Variants in TYR observed in about 807,000 individuals in gnomAD.
TYR encodes tyrosinase.
In TYR, 58 loss-of-function variants were observed where a neutral mutation model predicts 51.5. That is an observed-to-expected ratio of 1.13 (90% CI 0.91 to 1.40). TYR has a LOEUF of 1.40. TYR is among the 40% of genes most tolerant of loss of function. The pLI, the probability that TYR is intolerant of heterozygous loss-of-function variation, is 0.00. For missense variants in TYR, 732 were observed against 647.4 expected (o/e 1.13, Z -1.42); for synonymous variants, 263 against 235.2 (o/e 1.12, Z -1.08).
chr11:89,248,489 A>G (rs1380778565), intron 3 of TYR, among the ~76,000 whole-genome samples: 1 of 152,106 alleles, frequency 6.6e-6, no homozygotes, highest in Non-Finnish European at 1.5e-5. Context: ...TAGGAAGCAG[A>G]AGGCACACAT....
In TYR at chr11:89,244,305, C is replaced by A. The variant is rs181744628; in HGVS notation, c.1184+16335C>A. 3.6e-3 allele frequency among the ~76,000 whole-genome samples: 541 copies of A among 151,790 alleles called. 5 individuals carry two copies. The highest frequency in any genetic ancestry group is 0.012 in the African/African-American group (506 of 41,284). ...TCATAGATTGATTCAATAAAGAGAT[C>A]TACTAGGCAGTTGAGCTCCAGGTCC... On this transcript the variant is annotated intron_variant, in intron 3 of 4. Coordinates refer to ENST00000263321, the MANE Select transcript of TYR (RefSeq NM_000372.5).
At chr11:89,289,363 G>T (rs887658200) in intron 4 of TYR, among the ~76,000 whole-genome samples, 6 of 151,958 alleles carry the variant, frequency 3.9e-5, no homozygotes, top group Middle Eastern at 3.2e-3. Flanking sequence ...ATACCTGTGT[G>T]CATGCTGTTC....
At chr11:89,240,041 G>A (rs115830997) in intron 3 of TYR, among the ~76,000 whole-genome samples, 1,988 of 152,038 alleles carry the variant, frequency 0.013, 41 homozygotes, top group African/African-American at 0.046. Context: ...TACATCTGTC[G>A]GGTCCATTTG....
chr11:89,254,688 A>G (rs1319988385), intron 3 of TYR, among the ~76,000 whole-genome samples: 1 of 151,772 alleles, frequency 6.6e-6, no homozygotes, highest in Non-Finnish European at 1.5e-5. Context: ...TTCATTTCCA[A>G]TTGAGCTTAT....
At chr11:89,202,230 A>G (rs773699112) in intron 2 of TYR, among the ~76,000 whole-genome samples, 19 of 152,098 alleles carry the variant, frequency 1.2e-4, no homozygotes, top group Non-Finnish European at 1.8e-4. Flanking sequence ...TTTTCCTGCA[A>G]TGGTACATTA....
At chr11:89,178,805 G>T (rs763013244) in intron 1 of TYR, 33 bp downstream of exon 1, 2 of 1,607,736 alleles carry the variant, frequency 1.2e-6, no homozygotes, top group East Asian at 4.5e-5. Context: ...TGTCAGAGTA[G>T]GGAGGAACCT....
chr11:89,209,142 T>A (rs1943715554), intron 2 of TYR, among the ~76,000 whole-genome samples: 1 of 152,170 alleles, frequency 6.6e-6, no homozygotes, highest in South Asian at 2.1e-4. Context: ...GGGGGTCACC[T>A]CATCTGGGAA....
rs566587247 is a variant in TYR at position 89,221,589 on chromosome 11, A to G, written c.1037-6234A>G. Among the ~76,000 whole-genome samples the G allele has an allele frequency of 5.9e-5, 9 of 152,348 alleles. No homozygotes were observed. The South Asian group carries it at 1.9e-3, about 32-fold the overall frequency. ...ACAAGCCTTTTCAAAGTATTCAGCCATCAAATACAGCCTCCTAAAACCATT... is the reference window on the plus strand; with the variant it reads ...ACAAGCCTTTTCAAAGTATTCAGCCGTCAAATACAGCCTCCTAAAACCATT... On this transcript the variant is annotated intron_variant, in intron 2 of 4. Coordinates refer to ENST00000263321, the MANE Select transcript of TYR (RefSeq NM_000372.5).
chr11:89,240,298 T>C (rs564792552), intron 3 of TYR, among the ~76,000 whole-genome samples: 16 of 152,158 alleles, frequency 1.1e-4, no homozygotes, highest in African/African-American at 3.9e-4. Flanking sequence ...AAGGATCCAA[T>C]TGGTAAAAAC....
chr11:89,179,525 G>T (rs1943272847), intron 1 of TYR, among the ~76,000 whole-genome samples: 2 of 151,746 alleles, frequency 1.3e-5, no homozygotes, highest in African/African-American at 2.4e-5. Context: ...CAGGTAACTT[G>T]TATAAGATCA....
chr11:89,295,471 A>G lies in TYR; in HGVS notation c.*105A>G. On this transcript the variant is annotated 3_prime_UTR_variant, in exon 5 of 5. Coordinates refer to ENST00000263321, the MANE Select transcript of TYR (RefSeq NM_000372.5). ...CTGCTGGTATTTTTCTGTAAAGACC[A>G]TTTGCAAAATTGTAACCTAATACAA... 6.2e-6 allele frequency: 9 copies of G among 1,456,492 alleles called. No individual in the cohort carries two copies. The highest frequency in any genetic ancestry group is 2.4e-5 in the East Asian group (1 of 41,164). 90.2% of individuals were successfully genotyped at this position (1,456,492 alleles called of 1,614,324 possible). A position where few individuals can be genotyped will look rare whatever the true frequency, so the allele number is the denominator to read the frequency against.
intron 3 of TYR, among the ~76,000 whole-genome samples, chr11:89,239,235 A>C (rs1565408964): frequency 6.6e-6 from 1 of 152,126 alleles, no homozygotes; most frequent in Non-Finnish European, 1.5e-5. Flanking sequence ...AATAATTTTT[A>C]TTACTAATTC....
At position 89,227,897 on chromosome 11, in the gene TYR, A is replaced by G. The variant is rs61754386; in HGVS notation, c.1111A>G (p.Asn371Asp). ...GCACAATGCCTTGCACATCTATATG[A>G]ATGGAACAATGTCCCAGGTACAGGG... ...SMHNALHIYM[N>D]GTMSQVQGSA... Residue 371 changes from asparagine (N) to aspartate (D), a missense_variant, in exon 3 of 5, where the codon AAT becomes GAT. Physicochemically the swap from Asn to Asp is conservative, Grantham distance 23. Transcript: ENST00000263321. The G allele has an allele frequency of 3.1e-6, 5 of 1,613,688 alleles. No homozygotes were observed. The highest frequency in any genetic ancestry group is 1.7e-5 in the Admixed American group (1 of 59,916).
chr11:89,191,152 C>T (rs780968861), intron 1 of TYR, 50 bp from the exon 2 acceptor site: 1 of 1,554,616 alleles, frequency 6.4e-7, no homozygotes, highest in South Asian at 1.1e-5. Flanking sequence ...CCTTCTCCTA[C>T]TGACTCAGTG....
chr11:89,282,469 T>C (rs746236513), intron 3 of TYR, among the ~76,000 whole-genome samples: 24 of 152,000 alleles, frequency 1.6e-4, no homozygotes, highest in Non-Finnish European at 3.1e-4. Flanking sequence ...AGGTAGAGTG[T>C]TGTGGATGCA....
chr11:89,284,864 A>C lies in TYR; in HGVS notation c.1276A>C (p.Met426Leu). Residue 426 changes from methionine to leucine, a missense_variant, in exon 4 of 5, where the codon ATG becomes CTG. Met to Leu is a conservative substitution (Grantham distance 15). Coordinates refer to ENST00000263321, the MANE Select transcript of TYR (RefSeq NM_000372.5). ...CATTGGACATAACCGGGAATCCTAC[A>C]TGGTTCCTTTTATACCACTGTACAG... ...APIGHNRESY[M>L]VPFIPLYRNG... 6.2e-7 allele frequency: 1 copy of C among 1,611,974 alleles called. No homozygotes were observed. The highest frequency in any genetic ancestry group is 2.2e-5 in the East Asian group (1 of 44,804).
intron 4 of TYR, among the ~76,000 whole-genome samples, chr11:89,288,103 C>T (rs142528745): frequency 1.5e-3 from 221 of 151,930 alleles, no homozygotes; most frequent in South Asian, 2.5e-3. Context: ...TTATATGGGA[C>T]GGCAAGGTGA....
intron 1 of TYR, among the ~76,000 whole-genome samples, chr11:89,185,852 T>G (rs1310438837): frequency 6.6e-6 from 1 of 152,224 alleles, no homozygotes; most frequent in African/African-American, 2.4e-5. Context: ...AAAGCCCTTT[T>G]TGGCTTACGT....
intron 3 of TYR, among the ~76,000 whole-genome samples, chr11:89,270,963 A>G (rs1944581027): frequency 6.6e-6 from 1 of 151,844 alleles, no homozygotes; most frequent in East Asian, 1.9e-4. Context: ...AATAACTGCA[A>G]TGCAATATGA....
Sources: allele counts gnomAD v4.1 joint callset (sites outside exome capture counted in the v4.1 genomes callset), GRCh38; gene constraint gnomAD v4.1.1; transcripts MANE v1.5; gene names NCBI Gene and HGNC (gene_info 2026-07-23, HGNC 2026-07-21).